The following SGCZ variants were observed in gnomAD, a reference collection of about 807,000 sequenced individuals.
SGCZ encodes sarcoglycan zeta.
A neutral mutation model predicts 41.3 loss-of-function variants in SGCZ; 40 were observed. That is an observed-to-expected ratio of 0.97 (90% CI 0.75 to 1.26). SGCZ has a LOEUF of 1.26. Ranked by LOEUF, SGCZ falls within the 50% of genes most tolerant of loss-of-function variation. The pLI, the probability that SGCZ is intolerant of heterozygous loss-of-function variation, is 0.00. For synonymous variants in SGCZ, 206 were observed against 137.5 expected, an observed-to-expected ratio of 1.50 and a Z score of -3.49; for missense variants, 552 against 369.8, an observed-to-expected ratio of 1.49 and a Z score of -4.04.
At chr8:14,409,193 A>G (rs1671363007) in intron 2 of SGCZ, among the ~76,000 whole-genome samples, 1 of 152,116 alleles carries the variant, frequency 6.6e-6, no homozygotes, top group Admixed American at 6.6e-5. Flanking sequence ...CACGTTATTT[A>G]TTAAGCATTT....
intron 5 of SGCZ, among the ~76,000 whole-genome samples, chr8:14,146,037 T>C (rs973962684): frequency 6.6e-6 from 1 of 151,998 alleles, no homozygotes; most frequent in African/African-American, 2.4e-5. Context: ...AAAAGGACAA[T>C]AACAGAGAAG....
At chr8:15,014,076 T>G (rs1480639306) in intron 1 of SGCZ, among the ~76,000 whole-genome samples, 1 of 152,204 alleles carries the variant, frequency 6.6e-6, no homozygotes, top group Non-Finnish European at 1.5e-5. Flanking sequence ...GTTTGTTTGC[T>G]CAAACATCTC....
chr8:15,174,064 G>A (rs1005430628), intron 1 of SGCZ, among the ~76,000 whole-genome samples: 2 of 151,962 alleles, frequency 1.3e-5, no homozygotes, highest in Non-Finnish European at 2.9e-5. Context: ...TTCAGTTAAG[G>A]GCCGTCATTG....
intron 1 of SGCZ, among the ~76,000 whole-genome samples, chr8:14,570,787 C>T (rs890543345): frequency 2.6e-5 from 4 of 152,148 alleles, no homozygotes; most frequent in African/African-American, 9.7e-5. Context: ...CAACCCCTAT[C>T]TGCCTCTTAT....
At chr8:14,957,415 G>A (rs1563390575) in intron 1 of SGCZ, among the ~76,000 whole-genome samples, 1 of 151,754 alleles carries the variant, frequency 6.6e-6, no homozygotes, top group African/African-American at 2.4e-5. Context: ...TAAAACTTAT[G>A]GTAAATATAT....
intron 1 of SGCZ, among the ~76,000 whole-genome samples, chr8:15,166,281 T>C (rs1357167316): frequency 6.6e-6 from 1 of 150,914 alleles, no homozygotes; most frequent in Non-Finnish European, 1.5e-5. Flanking sequence ...GGAGTCTCGC[T>C]CTGTCGCCCA....
At chr8:14,193,436 A>G (rs1305023145) in intron 4 of SGCZ, among the ~76,000 whole-genome samples, 1 of 151,706 alleles carries the variant, frequency 6.6e-6, no homozygotes, top group Non-Finnish European at 1.5e-5. Flanking sequence ...CTGTGGCAAC[A>G]TTAAAATGGT....
At chr8:15,202,383 A>G (rs1420135373) in intron 1 of SGCZ, among the ~76,000 whole-genome samples, 2 of 152,240 alleles carry the variant, frequency 1.3e-5, no homozygotes, top group Non-Finnish European at 2.9e-5. Flanking sequence ...ATTATTTTAA[A>G]TAAGGTAACT....
chr8:14,801,698 GA>G (rs1477214300), intron 1 of SGCZ, among the ~76,000 whole-genome samples: 1 of 152,140 alleles, frequency 6.6e-6, no homozygotes, highest in Non-Finnish European at 1.5e-5. Context: ...CTAAAGGATA[GA>G]AAACTTGCTA....
chr8:14,440,798 T>C (rs1800236313), intron 2 of SGCZ, among the ~76,000 whole-genome samples: 1 of 148,262 alleles, frequency 6.7e-6, no homozygotes, highest in Admixed American at 6.9e-5. Flanking sequence ...TACACGTATA[T>C]GTATATATGT....
chr8:14,372,164 G>T (rs1423546572), intron 2 of SGCZ, among the ~76,000 whole-genome samples: 5 of 152,032 alleles, frequency 3.3e-5, no homozygotes, highest in Non-Finnish European at 7.4e-5. Context: ...AGATCCTAAG[G>T]GTAGTACTCA....
At chr8:15,094,622 T>A (rs1334550065) in intron 1 of SGCZ, among the ~76,000 whole-genome samples, 1 of 152,170 alleles carries the variant, frequency 6.6e-6, no homozygotes, top group Non-Finnish European at 1.5e-5. Flanking sequence ...TGGAGCCCAG[T>A]AAGCTAGGAT....
intron 3 of SGCZ, among the ~76,000 whole-genome samples, chr8:14,249,008 G>A (rs924934217): frequency 1.3e-5 from 2 of 152,146 alleles, no homozygotes; most frequent in African/African-American, 4.8e-5. Flanking sequence ...ACCTGTGATG[G>A]TTAGTTTTGT....
intron 1 of SGCZ, among the ~76,000 whole-genome samples, chr8:14,590,128 T>G (rs1016037238): frequency 2.0e-5 from 3 of 152,098 alleles, no homozygotes; most frequent in Non-Finnish European, 4.4e-5. Context: ...ACAGTAATAA[T>G]CAAGTATTTT....
rs1806249118 is a variant in SGCZ at position 14,222,854 on chromosome 8, C to T, written c.424+14738G>A. Among the ~76,000 whole-genome samples, 4 of 113,196 alleles carry T rather than the reference C, an allele frequency of 3.5e-5. No individual in the cohort carries two copies. In the South Asian group the frequency reaches 1.3e-3, roughly 36 times the overall value. The allele number at this position is 113,196 out of a possible 152,430, so 74.3% of individuals were successfully genotyped here. ...TTGAGGCAGAGTCTTGCTCTGTCGC[C>T]CAGGCTGGTGTGCAGTGGGTGATCT... On this transcript the variant is annotated intron_variant, in intron 4 of 7. Transcript: ENST00000382080.
chr8:14,271,886 G>A (rs972665472), intron 3 of SGCZ, among the ~76,000 whole-genome samples: 53 of 152,096 alleles, frequency 3.5e-4, no homozygotes, highest in African/African-American at 9.9e-4. Flanking sequence ...TCTTACCATG[G>A]AAAGCCAAAG....
At chr8:14,645,313 A>C (rs544636063) in intron 1 of SGCZ, among the ~76,000 whole-genome samples, 2 of 151,234 alleles carry the variant, frequency 1.3e-5, no homozygotes, top group Non-Finnish European at 3.0e-5. Context: ...AAAAATAATC[A>C]TGATTTTTTA....
chr8:14,704,210 G>C (rs936328482), intron 1 of SGCZ, among the ~76,000 whole-genome samples: 7 of 151,946 alleles, frequency 4.6e-5, no homozygotes, highest in African/African-American at 1.7e-4. Flanking sequence ...AAAAGTGTTA[G>C]TAAGCTAATA....
At chr8:14,329,144 T>C (rs1023097075) in intron 2 of SGCZ, among the ~76,000 whole-genome samples, 1 of 152,192 alleles carries the variant, frequency 6.6e-6, no homozygotes, top group Non-Finnish European at 1.5e-5. Context: ...GATTTACCTA[T>C]TGTTCACAGA....
Sources: allele counts gnomAD v4.1 joint callset (sites outside exome capture counted in the v4.1 genomes callset), GRCh38; gene constraint gnomAD v4.1.1; transcripts MANE v1.5; gene names NCBI Gene and HGNC (gene_info 2026-07-23, HGNC 2026-07-21).